The following DHX57 variants were observed in gnomAD, a reference collection of about 807,000 sequenced individuals.
DHX57 encodes the protein putative ATP-dependent RNA helicase DHX57.
A neutral mutation model predicts 156.2 loss-of-function variants in DHX57; 105 were observed. That is an observed-to-expected ratio of 0.67 (90% CI 0.57 to 0.79). The LOEUF (loss-of-function observed/expected upper bound fraction) is 0.79. DHX57 is among the 30% of genes least tolerant of loss of function. The probability of loss-of-function intolerance (pLI) is 0.00; values close to 1 mark genes in which losing one functional copy is unlikely to be tolerated. For synonymous variants in DHX57, 704 were observed against 595.6 expected (o/e 1.18, Z -2.65); for missense variants, 1,847 against 1,661.9 (o/e 1.11, Z -1.94).
intron 5 of DHX57, 92 bp downstream of exon 5, chr2:38,860,907 T>G: frequency 1.7e-6 from 2 of 1,151,574 alleles, no homozygotes; most frequent in Non-Finnish European, 2.5e-6. Flanking sequence ...TTGTTCAAGA[T>G]CACTAAGCCA....
chr2:38,872,041 C>T (rs558245462), intron 1 of DHX57, among the ~76,000 whole-genome samples: 1 of 152,130 alleles, frequency 6.6e-6, no homozygotes, highest in Non-Finnish European at 1.5e-5. Context: ...TAACCCACTC[C>T]CATGCTAGTG....
At position 38,806,668 on chromosome 2, in the gene DHX57, T is replaced by C. The variant is rs1415669054; in HGVS notation, c.3707A>G (p.Gln1236Arg). The change falls in exon 22 of 24, where the codon CAG (glutamine) becomes CGG (arginine). Residue 1236 changes from glutamine to arginine, a missense_variant. By Grantham distance (43) the Gln-to-Arg change is conservative. Coordinates refer to ENST00000457308, the MANE Select transcript of DHX57 (RefSeq NM_198963.3). ...TCTGACAGCTCCAGTACTGGTCTTC[T>C]GAAATTTTCCTTCTGGGCTTTTCAC... is the stretch of plus-strand genomic sequence containing the variant. ...VQVKSPEGKF[Q>R]KTSTGAVRMQ... is the part of the protein sequence containing the mutation. 2 of 1,614,052 alleles carry C rather than the reference T, an allele frequency of 1.2e-6. No individual in the cohort carries two copies. Among genetic ancestry groups the C allele is most frequent in the Non-Finnish European group, 1.7e-6 (2 of 1,179,976 alleles).
chr2:38,868,491 T>C (rs1665195663), intron 1 of DHX57, 80 bp from the exon 2 acceptor site: 3 of 1,357,432 alleles, frequency 2.2e-6, no homozygotes, highest in African/African-American at 2.9e-5. Context: ...CTTATGAATA[T>C]AGGCTACTTT....
intron 12 of DHX57, among the ~76,000 whole-genome samples, chr2:38,841,219 A>C (rs529751732): frequency 6.6e-6 from 1 of 152,226 alleles, no homozygotes; most frequent in East Asian, 1.9e-4. Flanking sequence ...TTTTAGTTAG[A>C]CATATTTTAA....
intron 21 of DHX57, chr2:38,810,887 C>T (rs1558356945): frequency 1.3e-6 from 1 of 760,214 alleles, no homozygotes; most frequent in East Asian, 2.7e-5. Flanking sequence ...TCAATATGGC[C>T]CACGCTGTGC....
At chr2:38,867,739 G>C (rs1340985393) in intron 2 of DHX57, among the ~76,000 whole-genome samples, 1 of 152,026 alleles carries the variant, frequency 6.6e-6, no homozygotes, top group Admixed American at 6.6e-5. Context: ...TTGTATTTTA[G>C]TAGAGACAGG....
chr2:38,798,199 G>A lies in DHX57; in HGVS notation c.*100C>T. ...TCATGCCCTGGGCTCCTCCACCAGG[G>A]CCAGCCCCAATAGGTCTTTAGTTCG... On this transcript the variant is annotated 3_prime_UTR_variant, in exon 24 of 24. Transcript: ENST00000457308. 6.0e-6 allele frequency: 9 copies of A among 1,491,744 alleles called. No individual in the cohort carries two copies. The highest frequency in any genetic ancestry group is 1.8e-4 in the Middle Eastern group (1 of 5,522). 92.4% of individuals were successfully genotyped at this position (1,491,744 alleles called of 1,614,324 possible).
In DHX57 at chr2:38,854,095, G is replaced by T. The variant is rs1401083015; in HGVS notation, c.1989C>A (p.Ser663=). 1 of 1,613,694 alleles carries T rather than the reference G, an allele frequency of 6.2e-7. No homozygotes were observed. The highest frequency in any genetic ancestry group is 2.2e-5 in the East Asian group (1 of 44,852). ...LEGDTALQGV[S]HIIVDEVHER... is the part of the protein sequence containing the mutation. ...CATGAACTTCATCAACAATGATATGGGAAACTCCTTGTAGAGCTGTATCTC... is the reference window on the plus strand; with the variant it reads ...CATGAACTTCATCAACAATGATATGTGAAACTCCTTGTAGAGCTGTATCTC... Residue 663 remains serine, a synonymous_variant, in exon 9 of 24, where the codon TCC becomes TCA. Transcript: ENST00000457308.
intron 13 of DHX57, among the ~76,000 whole-genome samples, chr2:38,832,981 C>CTT (rs773309488): frequency 1.9e-4 from 19 of 99,592 alleles, no homozygotes; most frequent in African/African-American, 3.7e-4. Context: ...AATGTCTATT[C>CTT]TTTTTTTTTT....
rs780641116 is a variant in DHX57 at position 38,863,489 on chromosome 2, C to T, written c.255G>A (p.Glu85=). ...RPSNSNISKG[E]SRPKWKPKAK... is the part of the protein sequence containing the mutation. ...CTTTGGGTTTCCATTTTGGGCGTGA[C>T]TCTCCTTTGCTTATGTTACTGTTGC... is the stretch of plus-strand genomic sequence containing the variant. Residue 85 remains glutamate, a synonymous_variant, in exon 3 of 24, where the codon GAG becomes GAA. Coordinates refer to ENST00000457308, the MANE Select transcript of DHX57 (RefSeq NM_198963.3). The T allele has an allele frequency of 3.7e-6, 6 of 1,613,940 alleles. No individual in the cohort carries two copies. The highest frequency in any genetic ancestry group is 1.6e-4 in the Middle Eastern group (1 of 6,062).
intron 22 of DHX57, 81 bp downstream of exon 22, chr2:38,806,478 C>A: frequency 6.6e-7 from 1 of 1,508,864 alleles, no homozygotes; most frequent in South Asian, 1.3e-5. Flanking sequence ...AGTGATAGAA[C>A]ATGGTGTGGC....
Position 38,861,627 on chromosome 2 carries a change from T to C in DHX57, c.783A>G (p.Glu261=), listed in dbSNP as rs1263310318. 4 of 1,614,192 alleles carry C rather than the reference T, an allele frequency of 2.5e-6. No individual in the cohort carries two copies. The highest frequency in any genetic ancestry group is 3.4e-6 in the Non-Finnish European group (4 of 1,180,026). ...EAFALKSICG[E]KFIERIQNRV... is the part of the protein sequence containing the mutation. ...TGTTCTGAATTCTTTCTATAAATTT[T>C]TCTCCACAGATGGACTTGAGAGCAA... The change falls in exon 5 of 24, where the codon GAA becomes GAG. Residue 261 remains glutamate (E), a synonymous_variant. Coordinates refer to ENST00000457308, the MANE Select transcript of DHX57 (RefSeq NM_198963.3).
chr2:38,828,547 A>G, intron 13 of DHX57, 111 bp from the exon 14 acceptor site: 1 of 710,612 alleles, frequency 1.4e-6, no homozygotes, highest in Non-Finnish European at 2.2e-6. Context: ...AAACTAATAT[A>G]GATTATAAAG....
chr2:38,855,826 G>A (rs6736353), intron 7 of DHX57, among the ~76,000 whole-genome samples: 13,813 of 152,204 alleles, frequency 0.091, 708 homozygotes, highest in African/African-American at 0.14. Context: ...GCTGGGTGTG[G>A]TGACTCACAC....
Position 38,825,849 on chromosome 2 carries a change from T to C in DHX57, c.3012A>G (p.Leu1004=), listed in dbSNP as rs1671061033. The C allele has an allele frequency of 6.2e-7, 1 of 1,614,044 alleles. No homozygotes were observed. Among genetic ancestry groups the C allele is most frequent in the African/African-American group, 1.3e-5 (1 of 74,936 alleles). ...IQRVPLEQLC[L]RIKILEMFSA... is the part of the protein sequence containing the mutation. ...AAACACAAAAAACCAGATGTCACCT[T>C]AGACACAGCTGTTCCAATGGCACTC... The change falls in exon 16 of 24, where the codon CTA becomes CTG. Residue 1004 remains leucine, a splice_region_variant and synonymous_variant. Coordinates refer to ENST00000457308, the MANE Select transcript of DHX57 (RefSeq NM_198963.3).
chr2:38,809,070 A>G (rs1670101562), intron 21 of DHX57, among the ~76,000 whole-genome samples: 1 of 152,134 alleles, frequency 6.6e-6, no homozygotes, highest in African/African-American at 2.4e-5. Flanking sequence ...AACTGAGATT[A>G]CCAGTGCATG....
At chr2:38,856,941 T>C (rs1272218025) in intron 6 of DHX57, 2 of 153,770 alleles carry the variant, frequency 1.3e-5, no homozygotes, top group African/African-American at 4.8e-5. Flanking sequence ...AGTTGTGGAA[T>C]CTGTACATTA....
intron 9 of DHX57, among the ~76,000 whole-genome samples, chr2:38,852,221 G>A (rs1672635014): frequency 6.7e-6 from 1 of 148,900 alleles, no homozygotes. Flanking sequence ...CTGTCGCCCA[G>A]CCTGGAGTAC....
intron 6 of DHX57, among the ~76,000 whole-genome samples, chr2:38,857,436 C>T (rs1672958212): frequency 6.6e-6 from 1 of 152,184 alleles, no homozygotes; most frequent in African/African-American, 2.4e-5. Flanking sequence ...CAGGAACTTG[C>T]TATTTCCTAC....
Sources: allele counts gnomAD v4.1 joint callset (sites outside exome capture counted in the v4.1 genomes callset), GRCh38; gene constraint gnomAD v4.1.1; transcripts MANE v1.5; gene names NCBI Gene and HGNC (gene_info 2026-07-23, HGNC 2026-07-21).